Variants in TMEM132D observed in about 807,000 individuals in gnomAD.
TMEM132D encodes mature OL transmembrane protein.
Under a neutral mutation model 62.3 loss-of-function variants are expected in TMEM132D, and 21 were observed. The observed-to-expected ratio is 0.34, with a 90% CI of 0.24 to 0.49. TMEM132D has a LOEUF of 0.49. TMEM132D is among the 20% of genes least tolerant of loss of function. The pLI, the probability that TMEM132D is intolerant of heterozygous loss-of-function variation, is 0.99. For synonymous variants in TMEM132D, 621 were observed against 575.6 expected, an observed-to-expected ratio of 1.08 and a Z score of -1.13; for missense variants, 1,346 against 1,402.8, an observed-to-expected ratio of 0.96 and a Z score of 0.65.
chr12:129,406,479 G>A (rs1436731032), intron 3 of TMEM132D, among the ~76,000 whole-genome samples: 8 of 152,072 alleles, frequency 5.3e-5, no homozygotes, highest in Non-Finnish European at 1.0e-4. Context: ...AATTAGCCAG[G>A]TGTGGTGGCA....
chr12:129,083,933 G>A (rs1202552025), intron 6 of TMEM132D, among the ~76,000 whole-genome samples: 1 of 152,184 alleles, frequency 6.6e-6, no homozygotes, highest in Non-Finnish European at 1.5e-5. Context: ...CAGTGGACAA[G>A]CCTCAGACCT....
At chr12:129,517,927 T>A (rs915323317) in intron 3 of TMEM132D, among the ~76,000 whole-genome samples, 2 of 152,190 alleles carry the variant, frequency 1.3e-5, no homozygotes, top group South Asian at 2.1e-4. Flanking sequence ...CCTTAGTTTC[T>A]TTGTATTATT....
At chr12:129,556,638 C>G (rs777811491) in intron 2 of TMEM132D, among the ~76,000 whole-genome samples, 6 of 152,086 alleles carry the variant, frequency 3.9e-5, no homozygotes, top group Non-Finnish European at 7.4e-5. Context: ...CCTGGTAGTC[C>G]AATAACCTAG....
At chr12:129,381,610 G>A (rs1870954089) in intron 3 of TMEM132D, among the ~76,000 whole-genome samples, 1 of 152,156 alleles carries the variant, frequency 6.6e-6, no homozygotes, top group African/African-American at 2.4e-5. Flanking sequence ...CTTTGAAGTG[G>A]AAAGCCAGGA....
chr12:129,161,848 G>A (rs950115215), intron 5 of TMEM132D, among the ~76,000 whole-genome samples: 4 of 152,182 alleles, frequency 2.6e-5, no homozygotes, highest in Admixed American at 6.5e-5. Context: ...TCCTCACACT[G>A]CCACTTTGTT....
intron 4 of TMEM132D, among the ~76,000 whole-genome samples, chr12:129,241,181 A>G (rs1255541049): frequency 6.6e-6 from 1 of 151,774 alleles, no homozygotes; most frequent in Non-Finnish European, 1.5e-5. Context: ...GGAAAGAAAA[A>G]AACTCCAAAA....
intron 3 of TMEM132D, among the ~76,000 whole-genome samples, chr12:129,416,044 A>G (rs146643641): frequency 7.2e-5 from 11 of 152,326 alleles, no homozygotes; most frequent in African/African-American, 2.6e-4. Flanking sequence ...GCCTTATTTG[A>G]AAATAGGGCC....
intron 1 of TMEM132D, among the ~76,000 whole-genome samples, chr12:129,757,164 A>G (rs1870193082): frequency 3.2e-5 from 1 of 31,112 alleles, no homozygotes; most frequent in East Asian, 1.9e-3. Context: ...TTCATCTTTT[A>G]TAACTATAAA....
At chr12:129,563,032 T>C (rs1258697652) in intron 2 of TMEM132D, among the ~76,000 whole-genome samples, 1 of 152,224 alleles carries the variant, frequency 6.6e-6, no homozygotes, top group Non-Finnish European at 1.5e-5. Flanking sequence ...TTTATCTGTA[T>C]ACTTTTCATC....
intron 2 of TMEM132D, among the ~76,000 whole-genome samples, chr12:129,584,682 G>A (rs980579050): frequency 9.2e-5 from 14 of 152,220 alleles, no homozygotes; most frequent in Admixed American, 7.9e-4. Flanking sequence ...CCTAGACTAG[G>A]CTCCACAGGG....
chr12:129,552,497 T>A (rs1260740086), intron 2 of TMEM132D, among the ~76,000 whole-genome samples: 1 of 152,096 alleles, frequency 6.6e-6, no homozygotes, highest in Non-Finnish European at 1.5e-5. Context: ...TACATTATCA[T>A]CTATTATCTG....
chr12:129,243,724 G>C (rs1177432504), intron 4 of TMEM132D, among the ~76,000 whole-genome samples: 1 of 152,152 alleles, frequency 6.6e-6, no homozygotes, highest in African/African-American at 2.4e-5. Context: ...TTAATGCAAA[G>C]TAAATTAGAT....
intron 1 of TMEM132D, among the ~76,000 whole-genome samples, chr12:129,725,188 C>T (rs777703465): frequency 6.6e-5 from 10 of 152,172 alleles, no homozygotes; most frequent in Non-Finnish European, 1.3e-4. Flanking sequence ...TTTTCATTTA[C>T]TGTGGTGTAA....
At chr12:129,549,911 G>A (rs575805055) in intron 2 of TMEM132D, among the ~76,000 whole-genome samples, 36 of 152,332 alleles carry the variant, frequency 2.4e-4, no homozygotes, top group African/African-American at 8.4e-4. Flanking sequence ...ATGTGTGAGG[G>A]AAGTAAACAT....
intron 1 of TMEM132D, chr12:129,852,330 G>C (rs1197134072): frequency 6.6e-6 from 1 of 152,260 alleles, no homozygotes; most frequent in African/African-American, 2.4e-5. Flanking sequence ...GATCACTTGA[G>C]CCCAGGAGTT....
intron 1 of TMEM132D, among the ~76,000 whole-genome samples, chr12:129,771,897 G>T (rs138380501): frequency 6.6e-6 from 1 of 152,192 alleles, no homozygotes. Flanking sequence ...GCTCTATGAA[G>T]TCAGTACTAT....
intron 4 of TMEM132D, among the ~76,000 whole-genome samples, chr12:129,337,298 A>G (rs758903671): frequency 3.3e-5 from 5 of 152,164 alleles, no homozygotes; most frequent in Non-Finnish European, 7.3e-5. Context: ...TGTCTACATC[A>G]TATGCTACAA....
At chr12:129,773,217 C>T (rs1443861553) in intron 1 of TMEM132D, among the ~76,000 whole-genome samples, 1 of 152,208 alleles carries the variant, frequency 6.6e-6, no homozygotes, top group East Asian at 1.9e-4. Context: ...CATTCGACAT[C>T]GTGCGCCTCC....
rs201328138 is a variant in TMEM132D at position 129,658,436 on chromosome 12, T to C, written c.968+41374A>G. Among the ~76,000 whole-genome samples the C allele has an allele frequency of 1.4e-4, 22 of 152,338 alleles. No individual in the cohort carries two copies. The East Asian group carries it at 2.3e-3, about 16-fold the overall frequency. On this transcript the variant is annotated intron_variant, in intron 2 of 8. Transcript: ENST00000422113. ...TGTAAACTTCTTACTTAGTTTTGCA[T>C]CTTTGTGTGCTATAAATGCGGCCTC...
Sources: gnomAD v4.1 joint callset for allele counts (sites outside exome capture counted in the v4.1 genomes callset) on GRCh38, gnomAD v4.1.1 for gene constraint, MANE v1.5 for transcripts, NCBI Gene and HGNC (gene_info 2026-07-23, HGNC 2026-07-21) for gene names.